RYR2: variants seen among roughly 807,000 people sequenced by gnomAD.
RYR2 encodes ryanodine receptor 2.
A neutral mutation model predicts 601.1 loss-of-function variants in RYR2; 227 were observed. The ratio of observed to expected loss-of-function variants is 0.38; its 90% CI spans 0.34 to 0.42. The LOEUF (loss-of-function observed/expected upper bound fraction) is 0.42, where lower values mean the gene tolerates loss of function less well. Among genes scored for constraint, RYR2 ranks in the 10% least tolerant of loss-of-function variants. The probability of loss-of-function intolerance (pLI) is 1.00; values close to 1 mark genes in which losing one functional copy is unlikely to be tolerated. For missense variants in RYR2, 4,646 were observed against 6,156.5 expected (o/e 0.75, Z 8.21); for synonymous variants, 2,223 against 2,175.1 (o/e 1.02, Z -0.61).
At chr1:237,759,487 A>C (rs1693233633) in intron 82 of RYR2, among the ~76,000 whole-genome samples, 1 of 152,210 alleles carries the variant, frequency 6.6e-6, no homozygotes, top group Non-Finnish European at 1.5e-5. Flanking sequence ...CTGAATCACC[A>C]AATTACTTTA....
chr1:237,387,707 A>G (rs1702051828), intron 9 of RYR2, among the ~76,000 whole-genome samples: 1 of 152,076 alleles, frequency 6.6e-6, no homozygotes, highest in Non-Finnish European at 1.5e-5. Context: ...AAGATTTCTT[A>G]TTTTCTGAGG....
intron 101 of RYR2, among the ~76,000 whole-genome samples, chr1:237,820,700 TG>T (rs1351792681): frequency 6.6e-6 from 1 of 152,108 alleles, no homozygotes; most frequent in Non-Finnish European, 1.5e-5. Flanking sequence ...GAAAGGGGGC[TG>T]AAACCAGGGA....
At chr1:237,825,292 G>A (rs1480579551) in intron 101 of RYR2, among the ~76,000 whole-genome samples, 2 of 152,166 alleles carry the variant, frequency 1.3e-5, no homozygotes, top group Admixed American at 6.5e-5. Flanking sequence ...AACAAAAAGA[G>A]TATGGTATTG....
At chr1:237,544,977 A>T (rs1669647646) in intron 25 of RYR2, among the ~76,000 whole-genome samples, 1 of 152,208 alleles carries the variant, frequency 6.6e-6, no homozygotes, top group Non-Finnish European at 1.5e-5. Context: ...AGGTGAAGTG[A>T]GAGTTTGTAA....
chr1:237,205,072 T>C (rs1390795482), intron 1 of RYR2, among the ~76,000 whole-genome samples: 2 of 152,054 alleles, frequency 1.3e-5, no homozygotes, highest in East Asian at 1.9e-4. Context: ...GGGCCTGGAG[T>C]GGCCTGAGCT....
intron 100 of RYR2, among the ~76,000 whole-genome samples, chr1:237,816,281 G>A (rs1383287679): frequency 3.9e-5 from 6 of 152,180 alleles, no homozygotes; most frequent in Non-Finnish European, 5.9e-5. Flanking sequence ...TCAGAGAAAC[G>A]TGGGCAATGG....
At chr1:237,133,145 A>G (rs531430818) in intron 1 of RYR2, among the ~76,000 whole-genome samples, 7 of 152,272 alleles carry the variant, frequency 4.6e-5, no homozygotes, top group Admixed American at 4.6e-4. Flanking sequence ...CAGGGGCCAG[A>G]CAAGTCTGCA....
chr1:237,389,875 G>T (rs12079617), intron 10 of RYR2, among the ~76,000 whole-genome samples: 1 of 152,078 alleles, frequency 6.6e-6, no homozygotes, highest in Admixed American at 6.6e-5. Context: ...AAAGGAATGG[G>T]GTCTATCATA....
chr1:237,432,550 C>A (rs1394642956), intron 12 of RYR2, among the ~76,000 whole-genome samples: 3 of 152,114 alleles, frequency 2.0e-5, no homozygotes, highest in African/African-American at 7.2e-5. Flanking sequence ...TGCCCACTTC[C>A]AAATTCTTCG....
intron 45 of RYR2, 87 bp from the exon 46 acceptor site, chr1:237,638,928 A>C (rs1373067785): frequency 9.8e-6 from 14 of 1,430,488 alleles, no homozygotes; most frequent in African/African-American, 4.3e-5. Flanking sequence ...TTATTCTTAT[A>C]CATAGGAAAT....
At chr1:237,108,700 A>C (rs1669059720) in intron 1 of RYR2, among the ~76,000 whole-genome samples, 1 of 152,204 alleles carries the variant, frequency 6.6e-6, no homozygotes, top group African/African-American at 2.4e-5. Flanking sequence ...TCCTCCTGGC[A>C]ATCAGGAATG....
At chr1:237,342,039 T>C (rs1368852305) in intron 3 of RYR2, among the ~76,000 whole-genome samples, 2 of 152,200 alleles carry the variant, frequency 1.3e-5, no homozygotes, top group Admixed American at 6.5e-5. Flanking sequence ...ATAAAACTTA[T>C]AGAATCTATT....
At chr1:237,291,543 C>G (rs79437802) in intron 2 of RYR2, among the ~76,000 whole-genome samples, 12,574 of 152,140 alleles carry the variant, frequency 0.083, 634 homozygotes, top group East Asian at 0.24. Context: ...ACCAAGATGT[C>G]CATCAGTAGG....
chr1:237,804,842 C>T (rs1426891521), intron 98 of RYR2, among the ~76,000 whole-genome samples: 1 of 151,958 alleles, frequency 6.6e-6, no homozygotes, highest in Non-Finnish European at 1.5e-5. Context: ...AAATGAAAAG[C>T]AAAGAAGGGA....
At chr1:237,341,589 G>A (rs1697796848) in intron 3 of RYR2, 1 of 506,326 alleles carries the variant, frequency 2.0e-6, no homozygotes, top group African/African-American at 1.9e-5. Flanking sequence ...CTTTGGGTCT[G>A]TGGTATTCGC....
rs1207942025 is a variant in RYR2, at chr1:237,795,350, C to T, written c.13956+19C>T. On this transcript the variant is annotated intron_variant, in intron 96 of 104. Coordinates refer to ENST00000366574, the MANE Select transcript of RYR2 (RefSeq NM_001035.3). Reference sequence around the variant, plus strand: ...AAGAAAGGTAATATTACTTGGAATCCTCTACATTTTTCTTAAAGCACAGTT... The same window carrying T: ...AAGAAAGGTAATATTACTTGGAATCTTCTACATTTTTCTTAAAGCACAGTT... 1.5e-6 allele frequency: 2 copies of T among 1,316,708 alleles called. No individual in the cohort carries two copies. Among genetic ancestry groups the T allele is most frequent in the Non-Finnish European group, 2.1e-6 (2 of 946,248 alleles). The allele number at this position is 1,316,708 out of a possible 1,614,324, so 81.6% of individuals were successfully genotyped here. A position where few individuals can be genotyped will look rare whatever the true frequency, so the allele number is the denominator to read the frequency against.
chr1:237,081,412 A>C (rs1665632605), intron 1 of RYR2, among the ~76,000 whole-genome samples: 1 of 151,582 alleles, frequency 6.6e-6, no homozygotes, highest in Non-Finnish European at 1.5e-5. Flanking sequence ...CCCATGGCCC[A>C]CACTTCAGGG....
In RYR2 at chr1:237,697,315, G is replaced by GGT. The variant is rs556284201; in HGVS notation, c.9068-1635_9068-1634dup. On this transcript the variant is annotated intron_variant, in intron 63 of 104. Transcript: ENST00000366574. ...CCTGTTATTCTACCCAGTTTCTGTA[G>GGT]GTGTGTGTGTGTGTGTATATATATA... Among the ~76,000 whole-genome samples, 893 of 142,534 alleles carry GGT rather than the reference G, an allele frequency of 6.3e-3. 10 individuals carry two copies. The highest frequency in any genetic ancestry group is 0.056 in the South Asian group (256 of 4,536). 93.5% of individuals were successfully genotyped at this position (142,534 alleles called of 152,430 possible). A position where few individuals can be genotyped will look rare whatever the true frequency, so the allele number is the denominator to read the frequency against.
At chr1:237,414,007 A>G (rs992972683) in intron 10 of RYR2, among the ~76,000 whole-genome samples, 5 of 152,074 alleles carry the variant, frequency 3.3e-5, no homozygotes, top group African/African-American at 7.2e-5. Flanking sequence ...CAAGTTGTCA[A>G]TTTCTTTTCT....
Sources: gnomAD v4.1 joint callset for allele counts (sites outside exome capture counted in the v4.1 genomes callset) on GRCh38, gnomAD v4.1.1 for gene constraint, MANE v1.5 for transcripts, NCBI Gene and HGNC (gene_info 2026-07-23, HGNC 2026-07-21) for gene names.